The following HECA variants were observed in gnomAD, a reference collection of about 807,000 sequenced individuals.
HECA encodes the protein headcase protein homolog.
In HECA, 13 loss-of-function variants were observed where a neutral mutation model predicts 37.6. The observed-to-expected ratio is 0.35, with a 90% CI of 0.23 to 0.55. HECA has a LOEUF of 0.55. Among genes scored for constraint, HECA ranks in the 20% least tolerant of loss-of-function variants. The pLI is 0.90. For missense variants in HECA, 527 were observed against 701.9 expected (o/e 0.75, Z 2.82); for synonymous variants, 307 against 291.5 (o/e 1.05, Z -0.54).
intron 1 of HECA, among the ~76,000 whole-genome samples, chr6:139,157,168 A>G (rs1174483809): frequency 6.6e-5 from 10 of 152,160 alleles, no homozygotes; most frequent in Admixed American, 6.5e-4. Flanking sequence ...TTGCCATGGC[A>G]TTTGTAAACT....
At position 139,177,085 on chromosome 6, in the gene HECA, A is replaced by G. The variant is rs1052283962; in HGVS notation, c.1612A>G (p.Lys538Glu). The G allele has an allele frequency of 4.7e-6, 4 of 859,384 alleles. No homozygotes were observed. Among genetic ancestry groups the G allele is most frequent in the Non-Finnish European group, 8.2e-6 (4 of 490,530 alleles). 53.2% of individuals were successfully genotyped at this position (859,384 alleles called of 1,614,324 possible). A position where few individuals can be genotyped will look rare whatever the true frequency, so the allele number is the denominator to read the frequency against. The change falls in exon 4 of 4, where the codon AAA becomes GAA. Residue 538 changes from lysine (K) to glutamate (E), a missense_variant. Transcript: ENST00000367658. The surrounding 1 kb of genome is among the most constrained non-coding windows in gnomAD (Gnocchi z 4.9). ...CTTCGTGAAGCCATTTTCCTCCTTC[A>G]AAGTTCTCGAAGCTTATTGATGAAA... ...YHFVKPFSSFKVLEAY is the reference protein window; with the variant it reads ...YHFVKPFSSFEVLEAY
chr6:139,135,407 C>A lies in HECA; in HGVS notation c.11C>A (p.Pro4His), dbSNP rs1183405198. 2.2e-6 allele frequency: 3 copies of A among 1,390,396 alleles called. No homozygotes were observed. Among genetic ancestry groups the A allele is most frequent in the Non-Finnish European group, 1.9e-6 (2 of 1,052,096 alleles). 86.1% of individuals were successfully genotyped at this position (1,390,396 alleles called of 1,614,324 possible). ...ACGCGAGCGAGCGAGATGCCCAACC[C>A]CAAAAACAGCAAAGGCGGCCGCAAA... The part of the protein sequence containing the change: MPN[P>H]KNSKGGRKNK... Residue 4 changes from proline to histidine, a missense_variant, in exon 1 of 4, where the codon CCC becomes CAC. Around this residue, in one of 4 missense-constraint regions of HECA, gnomAD observed 172 missense variants for 197.6 expected, o/e 0.87. Coordinates refer to ENST00000367658, the MANE Select transcript of HECA (RefSeq NM_016217.3).
At chr6:139,172,450 A>T (rs1330849309) in intron 2 of HECA, among the ~76,000 whole-genome samples, 1 of 152,018 alleles carries the variant, frequency 6.6e-6, no homozygotes, top group African/African-American at 2.4e-5. Flanking sequence ...CTGTCTCTGG[A>T]CTTCGTTTGC....
intron 1 of HECA, among the ~76,000 whole-genome samples, chr6:139,141,186 C>A (rs776061837): frequency 6.6e-6 from 1 of 152,148 alleles, no homozygotes; most frequent in Admixed American, 6.5e-5. Flanking sequence ...AAGAAGCTTT[C>A]TTTGCCTTTC....
At chr6:139,165,492 G>GT (rs144432353) in intron 1 of HECA, among the ~76,000 whole-genome samples, 143 of 151,762 alleles carry the variant, frequency 9.4e-4, no homozygotes, top group African/African-American at 3.3e-3. Context: ...ATAATGACGT[G>GT]TATCTGCCAT....
intron 1 of HECA, among the ~76,000 whole-genome samples, chr6:139,154,616 G>A (rs1488569316): frequency 6.6e-6 from 1 of 152,240 alleles, no homozygotes; most frequent in Non-Finnish European, 1.5e-5. Flanking sequence ...GGGCAGACAA[G>A]GGAAGGGGTA....
intron 1 of HECA, among the ~76,000 whole-genome samples, chr6:139,138,513 GTTGT>G (rs1774477267): frequency 6.6e-6 from 1 of 152,190 alleles, no homozygotes; most frequent in Admixed American, 6.5e-5. Flanking sequence ...TTTATTTGTA[GTTGT>G]TTGGAGTTTA....
At chr6:139,166,218 C>G (rs1442330992) in intron 1 of HECA, 66 bp from the exon 2 acceptor site, 17 of 1,266,514 alleles carry the variant, frequency 1.3e-5, no homozygotes, top group Non-Finnish European at 1.8e-5. Context: ...CATACTGTTG[C>G]AAGTACAGGT....
chr6:139,135,498 C>A lies in HECA; in HGVS notation c.102C>A (p.Gly34=). 8.6e-7 allele frequency: 1 copy of A among 1,160,280 alleles called. No homozygotes were observed. The highest frequency in any genetic ancestry group is 2.5e-5 in the South Asian group (1 of 40,318). 71.9% of individuals were successfully genotyped at this position (1,160,280 alleles called of 1,614,324 possible). The change falls in exon 1 of 4, where the codon GGC becomes GGA. Residue 34 remains glycine, a synonymous_variant. Transcript: ENST00000367658. ...ENGAGALAAA[G]AAGAAAGGAL... ...GAGCCGGGGCCCTGGCAGCGGCGGG[C>A]GCGGCGGGAGCGGCGGCCGGGGGGG... is the stretch of plus-strand genomic sequence containing the variant.
chr6:139,165,036 T>C (rs765068170), intron 1 of HECA, among the ~76,000 whole-genome samples: 11 of 152,186 alleles, frequency 7.2e-5, no homozygotes, highest in Non-Finnish European at 1.2e-4. Context: ...GCAACAACAT[T>C]AATGATCCTT....
chr6:139,139,917 G>T (rs1774493840), intron 1 of HECA, among the ~76,000 whole-genome samples: 1 of 152,230 alleles, frequency 6.6e-6, no homozygotes, highest in African/African-American at 2.4e-5. Context: ...ATAAAACACA[G>T]GTGTGGGATA....
chr6:139,143,540 A>G (rs952454928), intron 1 of HECA, among the ~76,000 whole-genome samples: 4 of 152,214 alleles, frequency 2.6e-5, no homozygotes, highest in Admixed American at 1.3e-4. Flanking sequence ...AAAAAGCAAC[A>G]TGTAAAAATG....
intron 2 of HECA, among the ~76,000 whole-genome samples, chr6:139,171,955 T>C (rs1316748924): frequency 6.6e-6 from 1 of 151,926 alleles, no homozygotes; most frequent in East Asian, 1.9e-4. Context: ...CTCAGCCTCA[T>C]GAGTAGCTGG....
At chr6:139,149,478 T>G (rs1235086688) in intron 1 of HECA, among the ~76,000 whole-genome samples, 6 of 152,232 alleles carry the variant, frequency 3.9e-5, no homozygotes, top group Admixed American at 2.0e-4. Context: ...TTTTTGGTTC[T>G]CTGTTTGTAA....
At chr6:139,152,434 G>GTGTGTGTC (rs1774662907) in intron 1 of HECA, among the ~76,000 whole-genome samples, 1 of 151,844 alleles carries the variant, frequency 6.6e-6, no homozygotes, top group Non-Finnish European at 1.5e-5. Flanking sequence ...GTGTGTGTGT[G>GTGTGTGTC]TGTGTGTGTG....
intron 2 of HECA, chr6:139,170,678 TAGGGAGAGA>T (rs972883087): frequency 6.6e-6 from 1 of 152,032 alleles, no homozygotes; most frequent in African/African-American, 2.4e-5. Flanking sequence ...AGGAGTAGGA[TAGGGAGAGA>T]AGGGAGAGAA....
At position 139,166,646 on chromosome 6, in the gene HECA, G is replaced by A. The variant is rs1348915021; in HGVS notation, c.634G>A (p.Gly212Arg). The A allele has an allele frequency of 6.2e-7, 1 of 1,614,066 alleles. No homozygotes were observed. Among genetic ancestry groups the A allele is most frequent in the Non-Finnish European group, 8.5e-7 (1 of 1,180,044 alleles). Residue 212 changes from glycine (G) to arginine (R), a missense_variant, in exon 2 of 4, where the codon GGG becomes AGG. Transcript: ENST00000367658. Reference protein sequence around the residue: ...KKKSGSEKNTGRPPGEAAEEA... With the variant: ...KKKSGSEKNTRRPPGEAAEEA... Reference sequence around the variant, plus strand: ...GAAGTCTGGCTCCGAGAAGAACACAGGGAGGCCTCCTGGTGAGGCGGCGGA... The same window carrying A: ...GAAGTCTGGCTCCGAGAAGAACACAAGGAGGCCTCCTGGTGAGGCGGCGGA...
chr6:139,157,839 T>C (rs13215473), intron 1 of HECA, among the ~76,000 whole-genome samples: 18,972 of 151,992 alleles, frequency 0.12, 1,499 homozygotes, highest in East Asian at 0.19. Context: ...GAGGAGGGTG[T>C]GTGCCTGCAT....
Position 139,176,982 on chromosome 6 carries a change from C to T in HECA, c.1509C>T (p.Asp503=), listed in dbSNP as rs761998534. Residue 503 remains aspartate (D), a synonymous_variant, in exon 4 of 4, where the codon GAC becomes GAT. Coordinates refer to ENST00000367658, the MANE Select transcript of HECA (RefSeq NM_016217.3). The surrounding 1 kb of genome is among the most constrained non-coding windows in gnomAD (Gnocchi z 4.5). ...AGCACTGTGGGAAGCCGGTGATCGA[C>T]GTGAGGATCGGGATGCAGTACTTCT... The part of the protein sequence containing the change: ...NCKHCGKPVI[D]VRIGMQYFSE... The T allele has an allele frequency of 2.5e-5, 22 of 872,576 alleles. 1 individual carries two copies. The highest frequency in any genetic ancestry group is 4.3e-4 in the Middle Eastern group (2 of 4,632). The allele number at this position is 872,576 out of a possible 1,614,324, so 54.1% of individuals were successfully genotyped here.
Sources: allele counts gnomAD v4.1 joint callset (sites outside exome capture counted in the v4.1 genomes callset), GRCh38; gene constraint gnomAD v4.1.1; regional missense constraint gnomAD v4.1.1; non-coding constraint Gnocchi (gnomAD v3.1); transcripts MANE v1.5; gene names NCBI Gene and HGNC (gene_info 2026-07-23, HGNC 2026-07-21).